The following DICER1 variants were observed in gnomAD, a reference collection of about 807,000 sequenced individuals.
DICER1 encodes endoribonuclease Dicer.
Under a neutral mutation model 194.1 loss-of-function variants are expected in DICER1, and 43 were observed. That is an observed-to-expected ratio of 0.22 (90% CI 0.17 to 0.29). DICER1 has a LOEUF of 0.29. DICER1 is among the 10% of genes least tolerant of loss of function. The pLI is 1.00. For missense variants in DICER1, 1,608 were observed against 2,317.0 expected (o/e 0.69, Z 6.28); for synonymous variants, 832 against 820.5 (o/e 1.01, Z -0.24).
chr14:95,105,591 C>G lies in DICER1; in HGVS notation c.3093+87G>C. The stretch of plus-strand genomic sequence containing the variant: ...AAAAATTAACGAATCATGCATTTAA[C>G]TTGGTAAGATAAAATTCAAACTTAT... On this transcript the variant is annotated intron_variant, in intron 19 of 26. Transcript: ENST00000343455. The surrounding 1 kb of genome is among the most constrained non-coding windows in gnomAD (Gnocchi z 4.9). The G allele has an allele frequency of 9.4e-7, 1 of 1,059,584 alleles. No homozygotes were observed. Among genetic ancestry groups the G allele is most frequent in the East Asian group, 2.6e-5 (1 of 38,940 alleles). The allele number at this position is 1,059,584 out of a possible 1,614,324, so 65.6% of individuals were successfully genotyped here. A position where few individuals can be genotyped will look rare whatever the true frequency, so the allele number is the denominator to read the frequency against.
chr14:95,102,078 A>T (rs896388930), intron 21 of DICER1, among the ~76,000 whole-genome samples: 2 of 152,182 alleles, frequency 1.3e-5, no homozygotes, highest in Non-Finnish European at 2.9e-5. Context: ...AATTAGGTTT[A>T]TATGCATATA....
In DICER1 at chr14:95,111,440, A is replaced by G. The variant is rs878855248; in HGVS notation, c.2133T>C (p.His711=). ...KLHKIGELDD[H]LMPVGKETVK... is the part of the protein sequence containing the mutation. ...CAGTCTCTTTCCCAACTGGCATCAA[A>G]TGGTCATCCAGTTCGCCTAACAAAT... The change falls in exon 14 of 27, where the codon CAT becomes CAC. Residue 711 remains histidine, a synonymous_variant. Coordinates refer to ENST00000343455, the MANE Select transcript of DICER1 (RefSeq NM_177438.3). 1.5e-5 allele frequency: 24 copies of G among 1,614,044 alleles called. No homozygotes were observed. Among genetic ancestry groups the G allele is most frequent in the Non-Finnish European group, 2.0e-5 (24 of 1,180,010 alleles).
At position 95,126,710 on chromosome 14, in the gene DICER1, C is replaced by A. The variant is rs188327838; in HGVS notation, c.773G>T (p.Gly258Val). ...SQPCEIVVDC[G>V]PFTDRSGLYE... The stretch of plus-strand genomic sequence containing the variant: ...AAGCCCACTTCTGTCAGTAAATGGT[C>A]CACAATCCACCACAATCTCACATGG... Residue 258 changes from glycine to valine, a missense_variant, in exon 7 of 27, where the codon GGA (glycine) becomes GTA (valine). This residue lies in a region of DICER1 where 657 missense variants were observed against 910.1 expected (regional missense o/e 0.72). Coordinates refer to ENST00000343455, the MANE Select transcript of DICER1 (RefSeq NM_177438.3). The A allele has an allele frequency of 5.0e-5, 80 of 1,610,922 alleles. No homozygotes were observed. The highest frequency in any genetic ancestry group is 5.8e-5 in the Non-Finnish European group (68 of 1,177,510).
chr14:95,089,308 A>G lies in DICER1; in HGVS notation c.*1190T>C, dbSNP rs1201728184. 8.6e-6 allele frequency: 2 copies of G among 232,962 alleles called. No homozygotes were observed. Among genetic ancestry groups the G allele is most frequent in the African/African-American group, 2.2e-5 (1 of 45,328 alleles). The allele number at this position is 232,962 out of a possible 1,614,324, so 14.4% of individuals were successfully genotyped here. Reference sequence around the variant, plus strand: ...ATTACGGCAGTTTATCGCAAACGTTAAACTTTCACGGCATTAACAGCACAG... The same window carrying G: ...ATTACGGCAGTTTATCGCAAACGTTGAACTTTCACGGCATTAACAGCACAG... On this transcript the variant is annotated 3_prime_UTR_variant, in exon 27 of 27. Coordinates refer to ENST00000343455, the MANE Select transcript of DICER1 (RefSeq NM_177438.3).
chr14:95,150,346 T>C (rs570696814), intron 1 of DICER1, among the ~76,000 whole-genome samples: 1 of 152,134 alleles, frequency 6.6e-6, no homozygotes, highest in African/African-American at 2.4e-5. Flanking sequence ...ATTAGCTCAA[T>C]ATAGTGGCTT....
At chr14:95,147,554 C>T (rs2140420512) in intron 1 of DICER1, among the ~76,000 whole-genome samples, 1 of 152,294 alleles carries the variant, frequency 6.6e-6, no homozygotes, top group South Asian at 2.1e-4. Flanking sequence ...ACTGTTTTTC[C>T]TTTGTTCTCA....
rs551460901 is a variant in DICER1 at position 95,124,359 on chromosome 14, T to G, written c.1213A>C (p.Asn405His). ...FESVEWYNNR[N>H]QDNYVSWSDS... is the part of the protein sequence containing the mutation. ...CTCCATGACACATAATTATCCTGATTTCTATTATTATACCACTCAACGCTT... is the reference window on the plus strand; with the variant it reads ...CTCCATGACACATAATTATCCTGATGTCTATTATTATACCACTCAACGCTT... Residue 405 changes from asparagine to histidine, a missense_variant, in exon 8 of 27, where the codon AAT becomes CAT. By Grantham distance (68) the Asn-to-His change is moderately conservative (BLOSUM62 1). This residue lies in a region of DICER1 where 657 missense variants were observed against 910.1 expected (regional missense o/e 0.72). Coordinates refer to ENST00000343455, the MANE Select transcript of DICER1 (RefSeq NM_177438.3). The surrounding 1 kb of genome is among the most constrained non-coding windows in gnomAD (Gnocchi z 4.5). 6 of 1,613,912 alleles carry G rather than the reference T, an allele frequency of 3.7e-6. No homozygotes were observed. Among genetic ancestry groups the G allele is most frequent in the Non-Finnish European group, 5.1e-6 (6 of 1,179,922 alleles).
intron 21 of DICER1, 116 bp downstream of exon 21, chr14:95,103,230 G>A (rs904116529): frequency 5.1e-6 from 6 of 1,171,184 alleles, no homozygotes; most frequent in South Asian, 2.5e-5. Flanking sequence ...GTGCTTGGCC[G>A]GTGTAGCAAT....
chr14:95,127,211 G>C (rs193184521), intron 6 of DICER1, among the ~76,000 whole-genome samples: 1 of 152,274 alleles, frequency 6.6e-6, no homozygotes, highest in Admixed American at 6.5e-5. Context: ...CTGCCTCCCT[G>C]AACACCTTTT....
chr14:95,156,692 G>C (rs1239246035), intron 1 of DICER1, among the ~76,000 whole-genome samples: 3 of 152,126 alleles, frequency 2.0e-5, no homozygotes, highest in Admixed American at 6.5e-5. Context: ...GCCCCTGCCC[G>C]CCCCCCAGGG....
chr14:95,128,645 A>C (rs1375049839), intron 6 of DICER1, among the ~76,000 whole-genome samples: 1 of 152,192 alleles, frequency 6.6e-6, no homozygotes, highest in Non-Finnish European at 1.5e-5. Flanking sequence ...ACCACTGTCA[A>C]TGCCATTTTA....
intron 13 of DICER1, 30 bp downstream of exon 13, chr14:95,112,132 AATTTATTTTC>A: frequency 6.4e-7 from 1 of 1,556,010 alleles, no homozygotes; most frequent in Non-Finnish European, 8.9e-7. Context: ...CAATGGTTGC[AATTTATTTTC>A]ATTCGTATAT....
intron 1 of DICER1, among the ~76,000 whole-genome samples, chr14:95,143,953 A>T (rs915703547): frequency 2.0e-5 from 3 of 152,296 alleles, no homozygotes; most frequent in African/African-American, 4.8e-5. Context: ...AGGAATTTTT[A>T]AAAATGAAAA....
In DICER1 at chr14:95,088,042, G is replaced by A. The variant is rs1236302267; in HGVS notation, c.*2456C>T. On this transcript the variant is annotated 3_prime_UTR_variant, in exon 27 of 27. Transcript: ENST00000343455. ...CATAACCATTTCATATGTCTAACTC[G>A]TACTTTTTTATTTTTTAACTCAGTA... 4.7e-5 allele frequency: 11 copies of A among 232,390 alleles called. No homozygotes were observed. Among genetic ancestry groups the A allele is most frequent in the South Asian group, 1.8e-4 (1 of 5,508 alleles). The allele number at this position is 232,390 out of a possible 1,614,324, so 14.4% of individuals were successfully genotyped here.
At chr14:95,135,287 T>C (rs1055624117) in intron 1 of DICER1, among the ~76,000 whole-genome samples, 3 of 152,198 alleles carry the variant, frequency 2.0e-5, no homozygotes, top group Non-Finnish European at 4.4e-5. Context: ...CTAGACTTAT[T>C]GAAGACATGG....
intron 1 of DICER1, among the ~76,000 whole-genome samples, chr14:95,149,894 C>T (rs1255236438): frequency 1.3e-5 from 2 of 152,204 alleles, no homozygotes; most frequent in African/African-American, 2.4e-5. Context: ...TTAACATCCT[C>T]GATCTTGGCA....
At chr14:95,131,323 C>A (rs1893930452) in intron 4 of DICER1, among the ~76,000 whole-genome samples, 186 bp downstream of exon 4, 1 of 152,114 alleles carries the variant, frequency 6.6e-6, no homozygotes. Context: ...CTGCATCCGG[C>A]CTTTATTTGG....
At chr14:95,152,221 T>C (rs1428060747) in intron 1 of DICER1, among the ~76,000 whole-genome samples, 1 of 152,226 alleles carries the variant, frequency 6.6e-6, no homozygotes, top group Non-Finnish European at 1.5e-5. Flanking sequence ...TTGACGGCGA[T>C]TTTCTCCCAC....
At chr14:95,117,507 A>G in intron 9 of DICER1, 115 bp downstream of exon 9, 1 of 1,115,238 alleles carries the variant, frequency 9.0e-7, no homozygotes, top group Non-Finnish European at 1.4e-6. Flanking sequence ...AGTATTCTAT[A>G]ATACAAAAAA....
Sources: allele counts gnomAD v4.1 joint callset (sites outside exome capture counted in the v4.1 genomes callset), GRCh38; gene constraint gnomAD v4.1.1; regional missense constraint gnomAD v4.1.1; non-coding constraint Gnocchi (gnomAD v3.1); transcripts MANE v1.5; gene names NCBI Gene and HGNC (gene_info 2026-07-23, HGNC 2026-07-21).